Variants in GRM8 observed in about 807,000 individuals in gnomAD.
GRM8 encodes the protein glutamate metabotropic receptor 8.
GRM8 carries 47 observed loss-of-function variants against 87.2 expected under a neutral mutation model. The ratio of observed to expected loss-of-function variants is 0.54; its 90% CI spans 0.43 to 0.69. GRM8 has a LOEUF of 0.69. GRM8 is among the 30% of genes least tolerant of loss of function. The pLI, the probability that GRM8 is intolerant of heterozygous loss-of-function variation, is 0.00. For missense variants in GRM8, 1,019 were observed against 1,139.2 expected (o/e 0.89, Z 1.52); for synonymous variants, 396 against 404.5 (o/e 0.98, Z 0.25).
chr7:126,550,454 T>C (rs183171941), intron 8 of GRM8, among the ~76,000 whole-genome samples: 3 of 152,298 alleles, frequency 2.0e-5, no homozygotes, highest in Admixed American at 1.3e-4. Flanking sequence ...TCTTAATAGA[T>C]TAAAAGTTTT....
chr7:126,672,876 T>C (rs1223362438), intron 7 of GRM8, among the ~76,000 whole-genome samples: 1 of 152,194 alleles, frequency 6.6e-6, no homozygotes, highest in Non-Finnish European at 1.5e-5. Context: ...AACCCTTAGA[T>C]AGGCCTCTGA....
chr7:127,031,705 G>GT (rs1212928450), intron 3 of GRM8, among the ~76,000 whole-genome samples: 5 of 152,094 alleles, frequency 3.3e-5, no homozygotes, highest in Non-Finnish European at 4.4e-5. Context: ...AAATCATCGA[G>GT]TTATCTGCTA....
At chr7:126,636,095 T>A (rs1281350211) in intron 7 of GRM8, among the ~76,000 whole-genome samples, 1 of 152,144 alleles carries the variant, frequency 6.6e-6, no homozygotes, top group East Asian at 1.9e-4. Context: ...GAAGCTATAT[T>A]TTTCTTCCTT....
chr7:126,833,106 G>A (rs1468207703), intron 6 of GRM8, among the ~76,000 whole-genome samples: 4 of 152,200 alleles, frequency 2.6e-5, no homozygotes, highest in Non-Finnish European at 5.9e-5. Flanking sequence ...CTCTTGGCTA[G>A]CCAAGGGCAA....
At chr7:126,676,061 C>T (rs1267189176) in intron 7 of GRM8, among the ~76,000 whole-genome samples, 1 of 152,170 alleles carries the variant, frequency 6.6e-6, no homozygotes, top group East Asian at 1.9e-4. Context: ...AACCAATGTA[C>T]ACAAATCAGT....
In GRM8 at chr7:126,715,664, G is replaced by T. The variant is rs149011201; in HGVS notation, c.1357+54201C>A. ...CCAATACATTTATTGAAAAAAATTC[G>T]TGGATAAATGGATCCATGCAGCTCA... On this transcript the variant is annotated intron_variant, in intron 7 of 10. Transcript: ENST00000339582. Among the ~76,000 whole-genome samples the T allele has an allele frequency of 2.8e-3, 430 of 151,992 alleles. 7 individuals are homozygous for T. Among genetic ancestry groups the T allele is most frequent in the African/African-American group, 9.9e-3 (409 of 41,440 alleles).
intron 2 of GRM8, among the ~76,000 whole-genome samples, chr7:127,180,934 A>G (rs1794398388): frequency 6.6e-6 from 1 of 152,146 alleles, no homozygotes; most frequent in African/African-American, 2.4e-5. Context: ...GAACTGGAAC[A>G]AGACAAGGAT....
chr7:127,196,128 T>A (rs942307933), intron 2 of GRM8, among the ~76,000 whole-genome samples: 1 of 152,184 alleles, frequency 6.6e-6, no homozygotes, highest in Non-Finnish European at 1.5e-5. Context: ...GAAGAAATAA[T>A]GTGACATTCA....
intron 3 of GRM8, among the ~76,000 whole-genome samples, chr7:126,973,086 C>T (rs544074458): frequency 6.6e-6 from 1 of 152,258 alleles, no homozygotes; most frequent in African/African-American, 2.4e-5. Context: ...GCATTGTATG[C>T]TGTACAACAG....
chr7:126,956,967 C>T (rs950728715), intron 3 of GRM8, among the ~76,000 whole-genome samples: 2 of 152,270 alleles, frequency 1.3e-5, no homozygotes, highest in South Asian at 4.1e-4. Flanking sequence ...AATGAAAGAC[C>T]TTCTAATGAG....
At chr7:126,560,664 A>C (rs910146646) in intron 8 of GRM8, among the ~76,000 whole-genome samples, 1 of 152,210 alleles carries the variant, frequency 6.6e-6, no homozygotes, top group East Asian at 1.9e-4. Flanking sequence ...AGAAGACCCA[A>C]AATGCTATAA....
chr7:126,572,350 T>C (rs910481196), intron 8 of GRM8, among the ~76,000 whole-genome samples: 55 of 152,152 alleles, frequency 3.6e-4, no homozygotes, highest in African/African-American at 1.3e-3. Context: ...AGAGAAGATT[T>C]GTATGGTATA....
intron 7 of GRM8, among the ~76,000 whole-genome samples, chr7:126,745,429 CTGTG>C (rs1188036894): frequency 5.3e-5 from 4 of 75,454 alleles, no homozygotes; most frequent in Non-Finnish European, 7.7e-5. Context: ...TGTTTCTCTT[CTGTG>C]TGTGTGTGAC....
chr7:126,859,813 G>A (rs933145347), intron 6 of GRM8, among the ~76,000 whole-genome samples: 2 of 151,976 alleles, frequency 1.3e-5, no homozygotes, highest in African/African-American at 4.8e-5. Context: ...GTAAATCCTG[G>A]GTCATTGATT....
chr7:126,477,573 A>AAGAGAGAG (rs1274921438), intron 9 of GRM8, among the ~76,000 whole-genome samples: 1 of 112,990 alleles, frequency 8.9e-6, no homozygotes, highest in Non-Finnish European at 1.8e-5. Flanking sequence ...GAAAGAAAGA[A>AAGAGAGAG]AGAAAGAGAG....
At chr7:126,551,094 T>C (rs914848289) in intron 8 of GRM8, among the ~76,000 whole-genome samples, 2 of 152,148 alleles carry the variant, frequency 1.3e-5, no homozygotes, top group African/African-American at 2.4e-5. Context: ...TGGTCTCCCA[T>C]GCCTTGAAAA....
At chr7:126,805,908 C>T (rs77517549) in intron 6 of GRM8, among the ~76,000 whole-genome samples, 310 of 152,316 alleles carry the variant, frequency 2.0e-3, no homozygotes, top group African/African-American at 7.0e-3. Flanking sequence ...AGACCAGTTT[C>T]CATTTGTACA....
At chr7:126,822,361 A>G (rs1557646) in intron 6 of GRM8, among the ~76,000 whole-genome samples, 59,288 of 151,978 alleles carry the variant, frequency 0.39, 12,740 homozygotes, top group Non-Finnish European at 0.48. Flanking sequence ...TTCTTTACAC[A>G]TGCATTTAGC....
intron 9 of GRM8, among the ~76,000 whole-genome samples, chr7:126,455,866 T>C (rs946379418): frequency 1.3e-5 from 2 of 151,508 alleles, no homozygotes; most frequent in African/African-American, 2.4e-5. Context: ...AACCAAGAAT[T>C]AGCAAATACT....
Sources: gnomAD v4.1 joint callset for allele counts (sites outside exome capture counted in the v4.1 genomes callset) on GRCh38, gnomAD v4.1.1 for gene constraint, MANE v1.5 for transcripts, NCBI Gene and HGNC (gene_info 2026-07-23, HGNC 2026-07-21) for gene names.